Variants in ATP10B observed in about 807,000 individuals in gnomAD.
ATP10B encodes the protein phospholipid-transporting ATPase VB.
ATP10B carries 122 observed loss-of-function variants against 141.2 expected under a neutral mutation model. The ratio of observed to expected loss-of-function variants is 0.86; its 90% CI spans 0.75 to 1.00. ATP10B has a LOEUF of 1.00. ATP10B is among the 50% of genes least tolerant of loss of function. The pLI is 0.00. For synonymous variants in ATP10B, 685 were observed against 692.0 expected, an observed-to-expected ratio of 0.99 and a Z score of 0.16; for missense variants, 1,876 against 1,825.3, an observed-to-expected ratio of 1.03 and a Z score of -0.51.
At chr5:160,575,945 G>T (rs1159813011) in intron 24 of ATP10B, among the ~76,000 whole-genome samples, 1 of 152,144 alleles carries the variant, frequency 6.6e-6, no homozygotes, top group African/African-American at 2.4e-5. Flanking sequence ...CTCTCTGTTG[G>T]TCTCATTCTC....
intron 1 of ATP10B, among the ~76,000 whole-genome samples, chr5:160,829,519 A>G (rs1332816816): frequency 6.6e-6 from 1 of 152,114 alleles, no homozygotes; most frequent in Non-Finnish European, 1.5e-5. Flanking sequence ...GTAGGTTGAT[A>G]GGAATAGCAT....
At chr5:160,817,251 A>G (rs759271989) in intron 1 of ATP10B, among the ~76,000 whole-genome samples, 16 of 151,986 alleles carry the variant, frequency 1.1e-4, no homozygotes, top group Non-Finnish European at 1.9e-4. Context: ...TATCTAGAAA[A>G]CTCCATTGTC....
intron 2 of ATP10B, among the ~76,000 whole-genome samples, chr5:160,743,370 T>C (rs1454367392): frequency 6.6e-6 from 1 of 152,116 alleles, no homozygotes; most frequent in Non-Finnish European, 1.5e-5. Context: ...AAGTAAAAAA[T>C]AAATCATGCC....
intron 9 of ATP10B, among the ~76,000 whole-genome samples, chr5:160,641,559 CAG>C: frequency 6.6e-6 from 1 of 152,350 alleles, no homozygotes; most frequent in Non-Finnish European, 1.5e-5. Context: ...AAGTCAATGT[CAG>C]AGTCACATTG....
intron 22 of ATP10B, among the ~76,000 whole-genome samples, chr5:160,592,845 A>T (rs557945327): frequency 4.6e-5 from 7 of 152,294 alleles, no homozygotes; most frequent in African/African-American, 1.7e-4. Flanking sequence ...ACTGCAAGGC[A>T]GCAGCGAGGC....
chr5:160,752,980 C>T (rs1768263782), intron 2 of ATP10B, among the ~76,000 whole-genome samples: 1 of 152,140 alleles, frequency 6.6e-6, no homozygotes, highest in Non-Finnish European at 1.5e-5. Context: ...ATTACATTTG[C>T]ATGCCAAATT....
chr5:160,848,898 C>A (rs1044042867), intron 1 of ATP10B, among the ~76,000 whole-genome samples: 3 of 152,146 alleles, frequency 2.0e-5, no homozygotes, highest in Admixed American at 1.3e-4. Context: ...GGTACCTGTT[C>A]TTCACTTTGA....
rs1771077427 is a variant in ATP10B, at chr5:160,785,557, A to T, written c.-331+2T>A. On this transcript the variant is annotated splice_donor_variant, in intron 2 of 25. Coordinates refer to ENST00000327245, the MANE Select transcript of ATP10B (RefSeq NM_025153.3). LOFTEE classifies it low-confidence loss of function (5UTR_SPLICE). ...CCACTGCCCAAGAAGTAAAGATAGT[A>T]CCTGATAGGTAGATTTCAAGTCTTG... 1.5e-6 allele frequency: 1 copy of T among 675,832 alleles called. No homozygotes were observed. The highest frequency in any genetic ancestry group is 2.3e-5 in the Admixed American group (1 of 42,774). The allele number at this position is 675,832 out of a possible 1,614,324, so 41.9% of individuals were successfully genotyped here.
At chr5:160,766,290 A>G (rs934531429) in intron 2 of ATP10B, among the ~76,000 whole-genome samples, 1 of 151,062 alleles carries the variant, frequency 6.6e-6, no homozygotes, top group East Asian at 1.9e-4. Flanking sequence ...AATTGCAAAA[A>G]TACGGAACCA....
At chr5:160,610,898 A>G (rs1757685804) in intron 18 of ATP10B, among the ~76,000 whole-genome samples, 1 of 152,214 alleles carries the variant, frequency 6.6e-6, no homozygotes, top group African/African-American at 2.4e-5. Flanking sequence ...GGTCGATCCC[A>G]TAACTTGATT....
intron 3 of ATP10B, among the ~76,000 whole-genome samples, chr5:160,703,038 A>T (rs1764767303): frequency 6.6e-6 from 1 of 152,324 alleles, no homozygotes; most frequent in South Asian, 2.1e-4. Context: ...CAACTAGAAG[A>T]TCTGCAGAAG....
chr5:160,873,491 C>A, the ATP10B span, among the ~76,000 whole-genome samples: 1 of 152,188 alleles, frequency 6.6e-6, no homozygotes, highest in African/African-American at 2.4e-5. Context: ...TGTAGAAAAT[C>A]TTTAAGAATA....
intron 1 of ATP10B, among the ~76,000 whole-genome samples, chr5:160,808,835 A>G (rs988361523): frequency 2.6e-5 from 4 of 152,216 alleles, no homozygotes; most frequent in Non-Finnish European, 5.9e-5. Context: ...TAAAGAGAAT[A>G]CATCTATTGT....
intron 12 of ATP10B, chr5:160,632,937 C>T (rs1286304163): frequency 1.3e-5 from 2 of 152,172 alleles, no homozygotes; most frequent in African/African-American, 2.4e-5. Flanking sequence ...CAAAAGAAGA[C>T]ATTTATGCAG....
At chr5:160,620,296 C>T in intron 15 of ATP10B, 51 bp downstream of exon 15, 1 of 1,542,512 alleles carries the variant, frequency 6.5e-7, no homozygotes, top group Non-Finnish European at 8.7e-7. Context: ...CACACTGCTT[C>T]TTAAACTATA....
At chr5:160,572,125 G>A (rs1204229958) in intron 24 of ATP10B, among the ~76,000 whole-genome samples, 1 of 151,934 alleles carries the variant, frequency 6.6e-6, no homozygotes, top group African/African-American at 2.4e-5. Flanking sequence ...TGTTTCTCTA[G>A]CATCTCCTTT....
intron 15 of ATP10B, among the ~76,000 whole-genome samples, chr5:160,618,968 T>C (rs1758174797): frequency 1.3e-5 from 2 of 152,148 alleles, no homozygotes; most frequent in Admixed American, 6.5e-5. Context: ...TATAATGAAG[T>C]CCAACAAAAC....
At chr5:160,801,535 T>C (rs575490747) in intron 1 of ATP10B, among the ~76,000 whole-genome samples, 65 of 152,338 alleles carry the variant, frequency 4.3e-4, no homozygotes, top group African/African-American at 1.3e-3. Flanking sequence ...AGGGAATGGA[T>C]TGAATATGCT....
the ATP10B span, among the ~76,000 whole-genome samples, chr5:160,898,788 A>G: frequency 6.6e-6 from 1 of 152,218 alleles, no homozygotes. Context: ...AATGTGGCAC[A>G]TATACACCAT....
Sources: allele counts gnomAD v4.1 joint callset (sites outside exome capture counted in the v4.1 genomes callset), GRCh38; gene constraint gnomAD v4.1.1; transcripts MANE v1.5; gene names NCBI Gene and HGNC (gene_info 2026-07-23, HGNC 2026-07-21).